MPHOSPH8: variants seen among roughly 807,000 people sequenced by gnomAD.
MPHOSPH8 encodes the protein M-phase phosphoprotein 8, also known as M-phase phosphoprotein, mpp.
MPHOSPH8 carries 45 observed loss-of-function variants against 87.3 expected under a neutral mutation model. The observed-to-expected ratio is 0.52, with a 90% confidence interval of 0.41 to 0.66. The LOEUF (loss-of-function observed/expected upper bound fraction) is 0.66, where lower values mean the gene tolerates loss of function less well. Among genes scored for constraint, MPHOSPH8 ranks in the 30% least tolerant of loss-of-function variants. MPHOSPH8 has a pLI of 0.00. For synonymous variants in MPHOSPH8, 366 were observed against 376.9 expected, an observed-to-expected ratio of 0.97 and a Z score of 0.33; for missense variants, 883 against 1,020.2, an observed-to-expected ratio of 0.87 and a Z score of 1.83.
intron 1 of MPHOSPH8, among the ~76,000 whole-genome samples, chr13:19,635,493 C>A (rs1407176393): frequency 6.6e-6 from 1 of 152,056 alleles, no homozygotes; most frequent in Admixed American, 6.5e-5. Flanking sequence ...GCGCCACTGC[C>A]CTCCAGCCTG....
chr13:19,638,532 GAA>G (rs1380047572), intron 1 of MPHOSPH8, among the ~76,000 whole-genome samples: 4 of 151,594 alleles, frequency 2.6e-5, no homozygotes, highest in African/African-American at 9.7e-5. Context: ...GGAATCACTT[GAA>G]CCCAGGAGGC....
chr13:19,643,792 GCT>G (rs1045736207), intron 2 of MPHOSPH8, among the ~76,000 whole-genome samples: 18 of 152,124 alleles, frequency 1.2e-4, no homozygotes, highest in Admixed American at 1.0e-3. Context: ...GGGTAGCACT[GCT>G]CTCTTTTTTG....
In MPHOSPH8 at chr13:19,648,403, G is replaced by C; in HGVS notation, c.1219-19G>C. ...CAACTCTTTATCCATTCTTGTTTTG[G>C]ATATCATGTCATTTTCAGGACAAAG... is the stretch of plus-strand genomic sequence containing the variant. On this transcript the variant is annotated intron_variant, in intron 3 of 13. Transcript: ENST00000361479. 1 of 1,475,246 alleles carries C rather than the reference G, an allele frequency of 6.8e-7. No homozygotes were observed. Among genetic ancestry groups the C allele is most frequent in the Non-Finnish European group, 9.3e-7 (1 of 1,074,140 alleles). The allele number at this position is 1,475,246 out of a possible 1,614,324, so 91.4% of individuals were successfully genotyped here.
intron 5 of MPHOSPH8, 100 bp downstream of exon 5, chr13:19,650,360 T>C (rs1874779503): frequency 7.4e-7 from 1 of 1,355,852 alleles, no homozygotes; most frequent in Non-Finnish European, 1.0e-6. Context: ...CAAAAAATAA[T>C]GGAGTCGAAG....
At chr13:19,669,179 A>G (rs755397385) in intron 11 of MPHOSPH8, among the ~76,000 whole-genome samples, 6 of 152,238 alleles carry the variant, frequency 3.9e-5, no homozygotes, top group Admixed American at 2.6e-4. Flanking sequence ...GAGAGAACTT[A>G]TCAGGTGGTT....
intron 11 of MPHOSPH8, 58 bp downstream of exon 11, chr13:19,668,589 AT>A: frequency 6.7e-7 from 1 of 1,493,450 alleles, no homozygotes; most frequent in East Asian, 2.3e-5. Context: ...ATATTAACAG[AT>A]TTTTAGACAG....
chr13:19,659,581 C>T, intron 7 of MPHOSPH8: 1 of 386,074 alleles, frequency 2.6e-6, no homozygotes, highest in East Asian at 6.1e-5. Context: ...ACAGGATCAC[C>T]TGAGCCTGGG....
intron 7 of MPHOSPH8, chr13:19,659,603 G>A: frequency 2.5e-6 from 1 of 392,274 alleles, no homozygotes; most frequent in Non-Finnish European, 4.9e-6. Context: ...GGTCAAGGCT[G>A]TGGTAAGTGG....
At chr13:19,671,450 A>G (rs891403466) in intron 13 of MPHOSPH8, among the ~76,000 whole-genome samples, 161 bp downstream of exon 13, 7 of 152,114 alleles carry the variant, frequency 4.6e-5, no homozygotes, top group Non-Finnish European at 7.4e-5. Flanking sequence ...TCAGTTTACA[A>G]TGTGTTAGAC....
At chr13:19,656,439 A>G (rs1464233267) in intron 5 of MPHOSPH8, among the ~76,000 whole-genome samples, 1 of 151,932 alleles carries the variant, frequency 6.6e-6, no homozygotes, top group Non-Finnish European at 1.5e-5. Context: ...ACATTTCTAC[A>G]TAAATAATAA....
chr13:19,634,096 A>G, intron 1 of MPHOSPH8, 135 bp downstream of exon 1: 2 of 909,920 alleles, frequency 2.2e-6, no homozygotes, highest in South Asian at 1.6e-5. Flanking sequence ...CAAGCACGCG[A>G]AATCGTGGGA....
intron 2 of MPHOSPH8, among the ~76,000 whole-genome samples, chr13:19,642,514 C>G (rs1280095383): frequency 6.6e-6 from 1 of 151,948 alleles, no homozygotes; most frequent in Non-Finnish European, 1.5e-5. Flanking sequence ...TGATATTTTC[C>G]TTTAAGTTAA....
chr13:19,660,667 C>T (rs1198102372), intron 7 of MPHOSPH8, among the ~76,000 whole-genome samples: 1 of 152,110 alleles, frequency 6.6e-6, no homozygotes, highest in Non-Finnish European at 1.5e-5. Context: ...ATAGACGTTG[C>T]ACATTTCCTA....
At chr13:19,660,383 C>T (rs1362042645) in intron 7 of MPHOSPH8, among the ~76,000 whole-genome samples, 6 of 152,044 alleles carry the variant, frequency 3.9e-5, no homozygotes, top group African/African-American at 1.4e-4. Context: ...ATCTGTTGAT[C>T]TTTTACATTT....
chr13:19,653,351 A>T (rs558014939), intron 5 of MPHOSPH8, among the ~76,000 whole-genome samples: 10 of 152,344 alleles, frequency 6.6e-5, no homozygotes, highest in South Asian at 4.1e-4. Context: ...GAAAACTAAC[A>T]AACAGAAAGG....
rs1876187674 is a variant in MPHOSPH8, at chr13:19,672,453, T to A, written c.*578T>A. On this transcript the variant is annotated 3_prime_UTR_variant, in exon 14 of 14. Coordinates refer to ENST00000361479, the MANE Select transcript of MPHOSPH8 (RefSeq NM_017520.4). ...GCCACCGCACCCAGCAAGAGTTATT[T>A]TCTTAACTTGAAATTTTCTACTAGC... 6.6e-6 allele frequency: 1 copy of A among 151,994 alleles called. No individual in the cohort carries two copies. The highest frequency in any genetic ancestry group is 6.6e-5 in the Admixed American group (1 of 15,260). The allele number at this position is 151,994 out of a possible 1,614,324, so 9.4% of individuals were successfully genotyped here.
chr13:19,663,546 T>G (rs2137537182), intron 9 of MPHOSPH8, among the ~76,000 whole-genome samples: 1 of 152,322 alleles, frequency 6.6e-6, no homozygotes, highest in East Asian at 1.9e-4. Context: ...CCTCGTGCAC[T>G]CTGTGTGTTC....
chr13:19,671,091 T>C lies in MPHOSPH8; in HGVS notation c.2458-115T>C, dbSNP rs1173083757. On this transcript the variant is annotated intron_variant, in intron 12 of 13. Transcript: ENST00000361479. Reference sequence around the variant, plus strand: ...CGCCTTGGCCTCCTCCACAACATCTTGACTTATGAAATAAAAAATAAAACT... The same window carrying C: ...CGCCTTGGCCTCCTCCACAACATCTCGACTTATGAAATAAAAAATAAAACT... 16 of 1,478,564 alleles carry C rather than the reference T, an allele frequency of 1.1e-5. No individual in the cohort carries two copies. The East Asian group carries it at 3.7e-4, about 34-fold the overall frequency. The allele number at this position is 1,478,564 out of a possible 1,614,324, so 91.6% of individuals were successfully genotyped here. A position where few individuals can be genotyped will look rare whatever the true frequency, so the allele number is the denominator to read the frequency against.
chr13:19,640,818 C>T (rs573915440), intron 1 of MPHOSPH8, among the ~76,000 whole-genome samples: 2 of 152,126 alleles, frequency 1.3e-5, no homozygotes, highest in South Asian at 2.1e-4. Flanking sequence ...CGTTTTTGTA[C>T]TATTTTTTGT....
Sources: allele counts gnomAD v4.1 joint callset (sites outside exome capture counted in the v4.1 genomes callset), GRCh38; gene constraint gnomAD v4.1.1; transcripts MANE v1.5; gene names NCBI Gene and HGNC (gene_info 2026-07-23, HGNC 2026-07-21).